Variants in AAAS observed in about 807,000 individuals in gnomAD.
AAAS encodes the protein aladin.
AAAS carries 60 observed loss-of-function variants against 75.6 expected under a neutral mutation model. The ratio of observed to expected loss-of-function variants is 0.79; its 90% CI spans 0.64 to 0.98. The LOEUF is 0.98. AAAS is among the 50% of genes least tolerant of loss of function. AAAS has a pLI of 0.00. For synonymous variants in AAAS, 271 were observed against 265.0 expected, an observed-to-expected ratio of 1.02 and a Z score of -0.22; for missense variants, 658 against 686.9, an observed-to-expected ratio of 0.96 and a Z score of 0.47.
intron 5 of AAAS, 105 bp downstream of exon 5, chr12:53,314,989 A>G (rs1944441013): frequency 6.7e-7 from 1 of 1,492,688 alleles, no homozygotes; most frequent in South Asian, 1.1e-5. Context: ...GAATGAGAAT[A>G]TGGTGAGCAA....
intron 6 of AAAS, 111 bp downstream of exon 6, chr12:53,314,640 G>C: frequency 7.4e-7 from 1 of 1,354,314 alleles, no homozygotes; most frequent in Non-Finnish European, 1.0e-6. Flanking sequence ...CCCCAGTTCT[G>C]GAAGGAGCCC....
intron 2 of AAAS, 126 bp from the exon 3 acceptor site, chr12:53,315,908 T>C: frequency 2.0e-6 from 2 of 1,015,106 alleles, no homozygotes; most frequent in East Asian, 5.2e-5. Context: ...GCCAACTATG[T>C]ACCAGGCACT....
chr12:53,314,798 A>C lies in AAAS; in HGVS notation c.498T>G (p.Phe166Leu), dbSNP rs916337842. ...VFAWHPHTNK[F>L]AVALLDDSVR... ...CTGAGTCATCTAGCAGGGCCACTGCAAACTTGTTGGTGTGGGGGTGCCATG... is the reference window on the plus strand; with the variant it reads ...CTGAGTCATCTAGCAGGGCCACTGCCAACTTGTTGGTGTGGGGGTGCCATG... Residue 166 changes from phenylalanine to leucine, a missense_variant, in exon 6 of 16, where the codon TTT (phenylalanine) becomes TTG (leucine). Physicochemically the swap from Phe to Leu is conservative, Grantham distance 22 (BLOSUM62 0). Coordinates refer to ENST00000209873, the MANE Select transcript of AAAS (RefSeq NM_015665.6). The C allele has an allele frequency of 6.2e-7, 1 of 1,613,974 alleles. No homozygotes were observed. The highest frequency in any genetic ancestry group is 1.1e-5 in the South Asian group (1 of 91,056).
At chr12:53,307,789 A>G (rs1178682415) in intron 15 of AAAS, 56 bp downstream of exon 15, 2 of 1,612,818 alleles carry the variant, frequency 1.2e-6, no homozygotes, top group Non-Finnish European at 1.7e-6. Flanking sequence ...ACAGCAGCCA[A>G]GGCCCTCAGC....
Position 53,321,571 on chromosome 12 carries a change from A to G in AAAS, c.-106T>C, listed in dbSNP as rs1944559214. The G allele has an allele frequency of 1.3e-6, 2 of 1,580,716 alleles. No individual in the cohort carries two copies. The highest frequency in any genetic ancestry group is 2.7e-5 in the African/African-American group (2 of 74,484). On this transcript the variant is annotated 5_prime_UTR_variant, in exon 1 of 16. Transcript: ENST00000209873. ...GGGCTAGATTCGTATGCGGACGGGT[A>G]CCGCAAGGGACAAACGGCGAGGCGG...
rs751104673 is a variant in AAAS at position 53,308,460 on chromosome 12, T to C, written c.1156A>G (p.Ile386Val). 2.5e-6 allele frequency: 4 copies of C among 1,614,056 alleles called. No homozygotes were observed. Among genetic ancestry groups the C allele is most frequent in the Admixed American group, 1.7e-5 (1 of 59,994 alleles). ...TIVADLSETT[I>V]QTPDGEERLG... ...CTCTCCTCACCATCTGGTGTCTGTA[T>C]TGTTGTCTCAGACAGATCTGCCACA... Residue 386 changes from isoleucine (I) to valine (V), a missense_variant, in exon 12 of 16, where the codon ATA becomes GTA. By Grantham distance (29) the Ile-to-Val change is conservative (BLOSUM62 3). Coordinates refer to ENST00000209873, the MANE Select transcript of AAAS (RefSeq NM_015665.6).
At chr12:53,320,743 C>G in intron 1 of AAAS, 51 bp from the exon 2 acceptor site, 3 of 1,607,024 alleles carry the variant, frequency 1.9e-6, no homozygotes, top group Non-Finnish European at 2.6e-6. Context: ...CTTCCCAAAT[C>G]TTTAATTCCG....
At chr12:53,320,759 T>C (rs1944541046) in intron 1 of AAAS, 67 bp from the exon 2 acceptor site, 2 of 1,577,064 alleles carry the variant, frequency 1.3e-6, no homozygotes, top group East Asian at 4.5e-5. Context: ...TTCCGTGCCA[T>C]CTCCAACCCA....
At chr12:53,308,588 G>C (rs1017860111) in intron 11 of AAAS, 60 bp from the exon 12 acceptor site, 2 of 1,603,454 alleles carry the variant, frequency 1.2e-6, no homozygotes, top group Non-Finnish European at 1.7e-6. Flanking sequence ...CTGGTCCCCT[G>C]CCAGCTCACC....
Position 53,309,162 on chromosome 12 carries a change from G to C in AAAS, c.930C>G (p.Val310=). The change falls in exon 9 of 16, where the codon GTC becomes GTG. Residue 310 remains valine (V), a synonymous_variant. Transcript: ENST00000209873. The part of the protein sequence containing the change: ...SKILATTPSA[V]FRVWEAQMWT... ...TCCATCCTTGTCCCACTCACCGAAA[G>C]ACAGCTGAAGGAGTGGTAGCCAGGA... The C allele has an allele frequency of 6.2e-7, 1 of 1,614,188 alleles. No homozygotes were observed. Among genetic ancestry groups the C allele is most frequent in the Non-Finnish European group, 8.5e-7 (1 of 1,180,040 alleles).
At position 53,317,151 on chromosome 12, in the gene AAAS, G is replaced by A. The variant is rs1026193308; in HGVS notation, c.252-1369C>T. Among the ~76,000 whole-genome samples, 8 of 152,084 alleles carry A rather than the reference G, an allele frequency of 5.3e-5. No individual in the cohort carries two copies. In the East Asian group the frequency reaches 5.8e-4, roughly 11 times the overall value. ...TTAAGAATCTACTTCAGGGCCGGGTGCGGTGGCTCACACCTGTAATCCCAG... is the reference window on the plus strand; with the variant it reads ...TTAAGAATCTACTTCAGGGCCGGGTACGGTGGCTCACACCTGTAATCCCAG... On this transcript the variant is annotated intron_variant, in intron 2 of 15. Coordinates refer to ENST00000209873, the MANE Select transcript of AAAS (RefSeq NM_015665.6).
At position 53,309,039 on chromosome 12, in the gene AAAS, A is replaced by G; in HGVS notation, c.936-19T>C. On this transcript the variant is annotated intron_variant, in intron 9 of 15. Coordinates refer to ENST00000209873, the MANE Select transcript of AAAS (RefSeq NM_015665.6). Reference sequence around the variant, plus strand: ...CCAGACTCTGAGCCAGAGAAAAGCAAATTACAGCTCAGGACCTCTAAGTTC... The same window carrying G: ...CCAGACTCTGAGCCAGAGAAAAGCAGATTACAGCTCAGGACCTCTAAGTTC... The G allele has an allele frequency of 6.2e-7, 1 of 1,614,134 alleles. No homozygotes were observed. The highest frequency in any genetic ancestry group is 8.5e-7 in the Non-Finnish European group (1 of 1,180,018).
At chr12:53,316,573 C>T (rs973912129) in intron 2 of AAAS, among the ~76,000 whole-genome samples, 1 of 150,426 alleles carries the variant, frequency 6.6e-6, no homozygotes, top group African/African-American at 2.4e-5. Context: ...TCAAGACCAT[C>T]CTGGCCAACA....
Position 53,307,889 on chromosome 12 carries a change from T to G in AAAS, c.1372A>C (p.Ile458Leu). The change falls in exon 15 of 16, where the codon ATC becomes CTC. Residue 458 changes from isoleucine (I) to leucine (L), a missense_variant. By Grantham distance (5) the Ile-to-Leu change is conservative. Transcript: ENST00000209873. ...TTGTTGAAGGAAGGATGGAAAGTGATGAGCTGGGGCTGGGCTCCTGGCTCC... is the reference window on the plus strand; with the variant it reads ...TTGTTGAAGGAAGGATGGAAAGTGAGGAGCTGGGGCTGGGCTCCTGGCTCC... ...QGEPGAQPQL[I>L]TFHPSFNKGA... The G allele has an allele frequency of 6.2e-7, 1 of 1,614,200 alleles. No individual in the cohort carries two copies. The highest frequency in any genetic ancestry group is 8.5e-7 in the Non-Finnish European group (1 of 1,180,046).
At chr12:53,316,550 C>T (rs563852976) in intron 2 of AAAS, among the ~76,000 whole-genome samples, 5 of 151,302 alleles carry the variant, frequency 3.3e-5, no homozygotes, top group South Asian at 2.1e-4. Flanking sequence ...GGGCGGATCA[C>T]GAGGTCAGGA....
At chr12:53,311,098 C>T (rs1054206994) in intron 7 of AAAS, among the ~76,000 whole-genome samples, 1 of 151,988 alleles carries the variant, frequency 6.6e-6, no homozygotes, top group Non-Finnish European at 1.5e-5. Context: ...GTACACCCCA[C>T]GCCCAGCTAG....
At chr12:53,318,980 C>A (rs936829427) in intron 2 of AAAS, among the ~76,000 whole-genome samples, 2 of 152,192 alleles carry the variant, frequency 1.3e-5, no homozygotes, top group Admixed American at 1.3e-4. Context: ...GCCCATTAAA[C>A]TGTACTGAAG....
chr12:53,318,249 T>TGTGTGTGTGTGTGTGC (rs1944496057), intron 2 of AAAS, among the ~76,000 whole-genome samples: 1 of 140,758 alleles, frequency 7.1e-6, no homozygotes, highest in African/African-American at 2.9e-5. Context: ...TGTGTGCGTG[T>TGTGTGTGTGTGTGTGC]GTGTGTGTGT....
rs774817639 is a variant in AAAS, at chr12:53,309,191, T to A, written c.901A>T (p.Lys301Ter). ...TNLLWSPDGS[K>*]ILATTPSAVF... ...GCTGAAGGAGTGGTAGCCAGGATTT[T>A]GCTGCCGTCTGGGGACCAGAGCAGG... The change falls in exon 9 of 16, where the codon AAA becomes TAA. Residue 301 changes from lysine (K) to a stop codon, truncating the protein, a stop_gained. Coordinates refer to ENST00000209873, the MANE Select transcript of AAAS (RefSeq NM_015665.6). LOFTEE classifies it high-confidence loss of function. 2 of 1,614,186 alleles carry A rather than the reference T, an allele frequency of 1.2e-6. No individual in the cohort carries two copies. The highest frequency in any genetic ancestry group is 2.2e-5 in the South Asian group (2 of 91,082).
Sources: gnomAD v4.1 joint callset for allele counts (sites outside exome capture counted in the v4.1 genomes callset) on GRCh38, gnomAD v4.1.1 for gene constraint, MANE v1.5 for transcripts, NCBI Gene and HGNC (gene_info 2026-07-23, HGNC 2026-07-21) for gene names.